PRKN: variants seen among roughly 807,000 people sequenced by gnomAD.
PRKN encodes the protein parkin RBR E3 ubiquitin protein ligase, also known as E3 ubiquitin-protein ligase parkin.
A neutral mutation model predicts 59.5 loss-of-function variants in PRKN; 56 were observed. The observed-to-expected ratio is 0.94, with a 90% confidence interval of 0.76 to 1.18. The LOEUF (loss-of-function observed/expected upper bound fraction) is 1.18, where lower values mean the gene tolerates loss of function less well. Ranked by LOEUF, PRKN falls within the 50% of genes most tolerant of loss-of-function variation. The pLI is 0.00. For missense variants in PRKN, 657 were observed against 596.4 expected, an observed-to-expected ratio of 1.10 and a Z score of -1.06; for synonymous variants, 250 against 222.1, an observed-to-expected ratio of 1.13 and a Z score of -1.12.
At chr6:162,109,113 G>A (rs1780312490) in intron 4 of PRKN, among the ~76,000 whole-genome samples, 1 of 152,112 alleles carries the variant, frequency 6.6e-6, no homozygotes, top group Admixed American at 6.6e-5. Context: ...CGTGAAAAGG[G>A]GCAGTAACTC....
chr6:162,070,870 C>G (rs749946873), intron 4 of PRKN, among the ~76,000 whole-genome samples: 27 of 152,072 alleles, frequency 1.8e-4, no homozygotes, highest in Non-Finnish European at 7.4e-5. Context: ...TGGTTCCTAA[C>G]AGGCCACCCC....
intron 5 of PRKN, among the ~76,000 whole-genome samples, chr6:161,992,946 A>G (rs933443742): frequency 6.6e-6 from 1 of 152,142 alleles, no homozygotes; most frequent in Admixed American, 6.5e-5. Flanking sequence ...CCCGTGAAAT[A>G]CAGCAAAAGT....
intron 9 of PRKN, among the ~76,000 whole-genome samples, chr6:161,535,312 T>A (rs577395329): frequency 6.6e-6 from 1 of 152,162 alleles, no homozygotes; most frequent in Non-Finnish European, 1.5e-5. Flanking sequence ...GAAAAATATA[T>A]ATTGTTACAA....
chr6:162,565,022 A>G (rs1780000879), intron 1 of PRKN, among the ~76,000 whole-genome samples: 2 of 152,224 alleles, frequency 1.3e-5, no homozygotes, highest in Non-Finnish European at 2.9e-5. Flanking sequence ...AGACTAAACA[A>G]TGAACGAATC....
chr6:161,421,093 T>C (rs1189571084), intron 9 of PRKN, among the ~76,000 whole-genome samples: 2 of 152,190 alleles, frequency 1.3e-5, no homozygotes, highest in Admixed American at 6.5e-5. Flanking sequence ...CTGGTCCTTA[T>C]GCCTTTGAGT....
At chr6:162,504,998 T>C (rs1793546038) in intron 1 of PRKN, among the ~76,000 whole-genome samples, 1 of 152,126 alleles carries the variant, frequency 6.6e-6, no homozygotes, top group Non-Finnish European at 1.5e-5. Flanking sequence ...TGCCCCATCT[T>C]ATAGCCATTT....
intron 1 of PRKN, among the ~76,000 whole-genome samples, chr6:162,508,842 AC>A (rs2128189796): frequency 6.6e-6 from 1 of 152,016 alleles, no homozygotes; most frequent in East Asian, 1.9e-4. Flanking sequence ...ACACAGCAAG[AC>A]CCTGTCTCAA....
chr6:161,662,090 A>G (rs908051344), intron 7 of PRKN, among the ~76,000 whole-genome samples: 12 of 152,226 alleles, frequency 7.9e-5, no homozygotes, highest in Non-Finnish European at 1.5e-4. Flanking sequence ...CCCATTCTGT[A>G]TGGAAAGATG....
At chr6:162,325,571 G>A (rs1783231954) in intron 2 of PRKN, among the ~76,000 whole-genome samples, 2 of 152,070 alleles carry the variant, frequency 1.3e-5, no homozygotes, top group Admixed American at 1.3e-4. Context: ...CAGGACAGTG[G>A]AATGCTACTG....
intron 7 of PRKN, among the ~76,000 whole-genome samples, chr6:161,683,396 A>C (rs1447106424): frequency 1.3e-5 from 2 of 152,254 alleles, no homozygotes; most frequent in African/African-American, 2.4e-5. Context: ...AAGTCTGAGA[A>C]GCAATTTCCA....
intron 1 of PRKN, among the ~76,000 whole-genome samples, chr6:162,701,277 A>G (rs1778142449): frequency 6.6e-6 from 1 of 152,194 alleles, no homozygotes; most frequent in African/African-American, 2.4e-5. Context: ...AATGCTTAAA[A>G]GAGATAATGT....
At chr6:161,957,321 G>T (rs1241448140) in intron 6 of PRKN, among the ~76,000 whole-genome samples, 1 of 152,176 alleles carries the variant, frequency 6.6e-6, no homozygotes, top group Non-Finnish European at 1.5e-5. Flanking sequence ...CTGAGGGTAA[G>T]GGTAAATGAC....
intron 9 of PRKN, among the ~76,000 whole-genome samples, chr6:161,531,305 C>T (rs1249725095): frequency 1.3e-5 from 2 of 150,508 alleles, no homozygotes; most frequent in Non-Finnish European, 2.9e-5. Context: ...GGCGTGAACC[C>T]GGGAGGCAGA....
rs183770119 is a variant in PRKN at position 161,832,888 on chromosome 6, C to T, written c.735-46980G>A. 2.5e-3 allele frequency among the ~76,000 whole-genome samples: 375 copies of T among 151,978 alleles called. 2 individuals carry two copies. Among genetic ancestry groups the T allele is most frequent in the African/African-American group, 8.3e-3 (343 of 41,456 alleles). ...GCCAGCAGCCTTCTCCTACTTGGGA[C>T]GACCAACTATGACTCCAACCATTGC... On this transcript the variant is annotated intron_variant, in intron 6 of 11. Coordinates refer to ENST00000366898, the MANE Select transcript of PRKN (RefSeq NM_004562.3).
At chr6:161,573,015 T>C (rs757274519) in intron 7 of PRKN, among the ~76,000 whole-genome samples, 1 of 152,200 alleles carries the variant, frequency 6.6e-6, no homozygotes, top group Non-Finnish European at 1.5e-5. Context: ...CAAGTCATCA[T>C]AGTTTAGTTT....
chr6:162,248,716 T>C (rs572248404), intron 3 of PRKN, among the ~76,000 whole-genome samples: 2 of 152,222 alleles, frequency 1.3e-5, no homozygotes, highest in East Asian at 3.9e-4. Context: ...ATCCAAAAAA[T>C]AACAATTAAT....
intron 4 of PRKN, among the ~76,000 whole-genome samples, chr6:162,121,351 C>A (rs1182334143): frequency 2.0e-5 from 3 of 152,124 alleles, no homozygotes; most frequent in Non-Finnish European, 4.4e-5. Context: ...GGGTTGAATG[C>A]TTCCGAGCAT....
At position 161,555,070 on chromosome 6, in the gene PRKN, T is replaced by C. The variant is rs191053334; in HGVS notation, c.934-6067A>G. On this transcript the variant is annotated intron_variant, in intron 8 of 11. Transcript: ENST00000366898. Reference sequence around the variant, plus strand: ...TGCTTTGATGTTTTTCTTATGTCATTTCTAGTATACATATATTGGATCTTC... The same window carrying C: ...TGCTTTGATGTTTTTCTTATGTCATCTCTAGTATACATATATTGGATCTTC... Among the ~76,000 whole-genome samples the C allele has an allele frequency of 7.5e-4, 114 of 152,268 alleles. 3 individuals are homozygous for C. The highest frequency in any genetic ancestry group is 2.7e-3 in the African/African-American group (112 of 41,570).
At chr6:162,088,147 T>C (rs1779332114) in intron 4 of PRKN, among the ~76,000 whole-genome samples, 1 of 152,134 alleles carries the variant, frequency 6.6e-6, no homozygotes, top group African/African-American at 2.4e-5. Flanking sequence ...CAACAGGGAA[T>C]TGGGCAAAGA....
Sources: allele counts gnomAD v4.1 joint callset (sites outside exome capture counted in the v4.1 genomes callset), GRCh38; gene constraint gnomAD v4.1.1; transcripts MANE v1.5; gene names NCBI Gene and HGNC (gene_info 2026-07-23, HGNC 2026-07-21).